Variants in SCUBE2 observed in about 807,000 individuals in gnomAD.
The protein encoded by SCUBE2 is signal peptide, CUB and EGF-like domain-containing protein 2.
SCUBE2 carries 114 observed loss-of-function variants against 125.9 expected under a neutral mutation model. That is an observed-to-expected ratio of 0.91 (90% confidence interval 0.78 to 1.06). The LOEUF (loss-of-function observed/expected upper bound fraction) is 1.06, where lower values mean the gene tolerates loss of function less well. Among genes scored for constraint, SCUBE2 ranks in the 50% least tolerant of loss-of-function variants. The probability of loss-of-function intolerance (pLI) is 0.00; values close to 1 mark genes in which losing one functional copy is unlikely to be tolerated. For synonymous variants in SCUBE2, 459 were observed against 492.9 expected (o/e 0.93, Z 0.91); for missense variants, 1,255 against 1,301.8 (o/e 0.96, Z 0.55).
rs1464560839 is a variant in SCUBE2, at chr11:9,060,514, A to G, written c.861T>C (p.Ala287=). The part of the protein sequence containing the change: ...VKRRLLMETC[A]VNNGGCDRTC... ...TGCGGTCACAGCCTCCATTGTTGAC[A>G]GCACACGTTTCTGGCAAGGAGGTAA... Residue 287 remains alanine, a synonymous_variant, in exon 8 of 23, where the codon GCT becomes GCC. Transcript: ENST00000649792. 3 of 1,613,590 alleles carry G rather than the reference A, an allele frequency of 1.9e-6. No individual in the cohort carries two copies. The highest frequency in any genetic ancestry group is 2.2e-5 in the South Asian group (2 of 91,062).
intron 4 of SCUBE2, among the ~76,000 whole-genome samples, chr11:9,073,979 C>A (rs775380565): frequency 1.3e-5 from 2 of 152,138 alleles, no homozygotes; most frequent in African/African-American, 4.8e-5. Context: ...AGGGAGGGAG[C>A]CCTTCTGCCC....
At chr11:9,068,600 C>A (rs1179262603) in intron 5 of SCUBE2, among the ~76,000 whole-genome samples, 2 of 152,160 alleles carry the variant, frequency 1.3e-5, no homozygotes, top group Non-Finnish European at 2.9e-5. Flanking sequence ...CTGAAGCACC[C>A]AGGAGGCTTC....
chr11:9,055,474 A>G (rs920532186), intron 10 of SCUBE2, among the ~76,000 whole-genome samples: 6 of 152,242 alleles, frequency 3.9e-5, no homozygotes, highest in African/African-American at 1.4e-4. Flanking sequence ...GTTCCAATAG[A>G]TAGGTTATCA....
At chr11:9,085,939 C>G (rs1355142912) in intron 2 of SCUBE2, among the ~76,000 whole-genome samples, 1 of 151,568 alleles carries the variant, frequency 6.6e-6, no homozygotes, top group Non-Finnish European at 1.5e-5. Flanking sequence ...CTCAAGTGAT[C>G]CTCCCACCTC....
chr11:9,062,960 G>A (rs1859828032), intron 7 of SCUBE2, among the ~76,000 whole-genome samples: 1 of 152,132 alleles, frequency 6.6e-6, no homozygotes, highest in African/African-American at 2.4e-5. Context: ...TATCAAAGAA[G>A]ACGGGTGCGG....
At chr11:9,085,593 G>T (rs932618935) in intron 2 of SCUBE2, among the ~76,000 whole-genome samples, 1 of 152,054 alleles carries the variant, frequency 6.6e-6, no homozygotes, top group Non-Finnish European at 1.5e-5. Context: ...AGGCGTGGTG[G>T]TGGGCGCCTG....
chr11:9,047,279 A>G, intron 16 of SCUBE2, 77 bp downstream of exon 16: 1 of 1,469,570 alleles, frequency 6.8e-7, no homozygotes, highest in African/African-American at 1.4e-5. Flanking sequence ...AGGATGGGCC[A>G]GACTTGCCTT....
At chr11:9,037,782 C>T (rs1363744509) in intron 16 of SCUBE2, among the ~76,000 whole-genome samples, 3 of 152,212 alleles carry the variant, frequency 2.0e-5, no homozygotes, top group Non-Finnish European at 4.4e-5. Flanking sequence ...GACCTGTGCT[C>T]AGGTTTGCTC....
At chr11:9,088,216 A>G (rs1358779979) in intron 2 of SCUBE2, among the ~76,000 whole-genome samples, 1 of 152,256 alleles carries the variant, frequency 6.6e-6, no homozygotes, top group African/African-American at 2.4e-5. Context: ...GGGTGGGCAT[A>G]GTGGCTCATG....
At position 9,048,144 on chromosome 11, in the gene SCUBE2, A is replaced by C. The variant is rs774532909; in HGVS notation, c.1640-46T>G. ...ATCGGAAGCCAAATCCTGGCAAAGC[A>C]CTCAGCTGAACATTTGCTAGAGCTC... On this transcript the variant is annotated intron_variant, in intron 14 of 22. Transcript: ENST00000649792. 2.7e-5 allele frequency: 42 copies of C among 1,566,696 alleles called. No individual in the cohort carries two copies. The Admixed American group carries it at 7.6e-4, about 28-fold the overall frequency.
At chr11:9,066,034 A>T in intron 6 of SCUBE2, 54 bp from the exon 7 acceptor site, 3 of 1,223,002 alleles carry the variant, frequency 2.5e-6, no homozygotes, top group Non-Finnish European at 3.6e-6. Flanking sequence ...TAGATTGCTC[A>T]TCCCCATACA....
At chr11:9,051,280 CTG>C (rs1858386454) in intron 13 of SCUBE2, among the ~76,000 whole-genome samples, 2 of 150,950 alleles carry the variant, frequency 1.3e-5, no homozygotes, top group Non-Finnish European at 2.9e-5. Context: ...CTATCTAAAA[CTG>C]AGGGTCAAAA....
In SCUBE2 at chr11:9,030,755, C is replaced by A; in HGVS notation, c.2341+3G>T. 3 of 1,612,126 alleles carry A rather than the reference C, an allele frequency of 1.9e-6. No homozygotes were observed. Among genetic ancestry groups the A allele is most frequent in the Non-Finnish European group, 2.5e-6 (3 of 1,179,096 alleles). ...AGAAAAAGGCAAGCTGCCAAGTACT[C>A]ACCTCTGGTTTCACAGTCCTGAAAG... On this transcript the variant is annotated splice_donor_region_variant and intron_variant, in intron 18 of 22. Transcript: ENST00000649792.
chr11:9,070,185 AGTGTGCTCGT>A (rs1230087242), intron 4 of SCUBE2, among the ~76,000 whole-genome samples: 1 of 152,158 alleles, frequency 6.6e-6, no homozygotes, highest in Admixed American at 6.5e-5. Context: ...AGAAGGAGGG[AGTGTGCTCGT>A]GTGTGGTAGC....
At chr11:9,054,233 G>A (rs1858761025) in intron 10 of SCUBE2, among the ~76,000 whole-genome samples, 1 of 152,004 alleles carries the variant, frequency 6.6e-6, no homozygotes, top group Admixed American at 6.5e-5. Flanking sequence ...CTGGCCTCAG[G>A]TGATCCACCT....
At chr11:9,051,182 T>TTATC (rs60575374) in intron 13 of SCUBE2, among the ~76,000 whole-genome samples, 19,604 of 142,456 alleles carry the variant, frequency 0.14, 1,426 homozygotes, top group Non-Finnish European at 0.16. Context: ...AAACAAAAAA[T>TTATC]TATCTATCTA....
At chr11:9,088,981 C>G (rs1422045972) in intron 2 of SCUBE2, among the ~76,000 whole-genome samples, 1 of 152,194 alleles carries the variant, frequency 6.6e-6, no homozygotes, top group Non-Finnish European at 1.5e-5. Flanking sequence ...CCAGAGCTAC[C>G]TGAATAGCCC....
chr11:9,049,779 C>A (rs1379146367), intron 14 of SCUBE2: 1 of 152,208 alleles, frequency 6.6e-6, no homozygotes, highest in Non-Finnish European at 1.5e-5. Context: ...TCCTGCTTTA[C>A]ATCTCAGCAT....
intron 16 of SCUBE2, among the ~76,000 whole-genome samples, chr11:9,036,387 G>A (rs576651770): frequency 3.9e-4 from 60 of 152,156 alleles, no homozygotes; most frequent in African/African-American, 1.3e-3. Flanking sequence ...TCTGTATTAC[G>A]AACTCACGTT....
Sources: gnomAD v4.1 joint callset for allele counts (sites outside exome capture counted in the v4.1 genomes callset) on GRCh38, gnomAD v4.1.1 for gene constraint, MANE v1.5 for transcripts, NCBI Gene and HGNC (gene_info 2026-07-23, HGNC 2026-07-21) for gene names.